The following CYLD variants were observed in gnomAD, a reference collection of about 807,000 sequenced individuals.
CYLD encodes CYLD lysine 63 deubiquitinase, also known as ubiquitin carboxyl-terminal hydrolase CYLD.
CYLD carries 26 observed loss-of-function variants against 104.5 expected under a neutral mutation model. The ratio of observed to expected loss-of-function variants is 0.25; its 90% CI spans 0.18 to 0.35. The LOEUF (loss-of-function observed/expected upper bound fraction) is 0.35. Ranked by LOEUF, CYLD falls within the 10% of genes least tolerant of loss-of-function variation. CYLD has a pLI of 1.00. For missense variants in CYLD, 703 were observed against 1,136.1 expected (o/e 0.62, Z 5.48); for synonymous variants, 385 against 399.9 (o/e 0.96, Z 0.45).
chr16:50,755,564 G>A (rs543745452), intron 5 of CYLD, among the ~76,000 whole-genome samples: 1 of 152,002 alleles, frequency 6.6e-6, no homozygotes, highest in South Asian at 2.1e-4. Flanking sequence ...TTTGATTATG[G>A]CCATTCTTGC....
chr16:50,799,413 T>A lies in CYLD; in HGVS notation c.*2905T>A. On this transcript the variant is annotated 3_prime_UTR_variant, in exon 19 of 19. Transcript: ENST00000427738. ...CCTCACTGTCAGCTTTATAAAGGAG[T>A]TTGACTCCATCCACAGAAGAATGTT... 8.6e-6 allele frequency: 2 copies of A among 233,672 alleles called. No individual in the cohort carries two copies. The highest frequency in any genetic ancestry group is 8.5e-6 in the Non-Finnish European group (1 of 117,986). 14.5% of individuals were successfully genotyped at this position (233,672 alleles called of 1,614,324 possible). A position where few individuals can be genotyped will look rare whatever the true frequency, so the allele number is the denominator to read the frequency against.
chr16:50,775,219 G>A (rs757653503), intron 6 of CYLD, 45 bp downstream of exon 6: 3 of 1,554,930 alleles, frequency 1.9e-6, no homozygotes, highest in African/African-American at 1.4e-5. Flanking sequence ...ATGTATTGTT[G>A]AATTTTTCAA....
chr16:50,782,089 A>G (rs1420061594), intron 10 of CYLD, among the ~76,000 whole-genome samples: 1 of 152,254 alleles, frequency 6.6e-6, no homozygotes, highest in African/African-American at 2.4e-5. Context: ...CTTTTTACAC[A>G]TAATACTCTA....
chr16:50,745,688 G>A (rs1385651351), intron 2 of CYLD, among the ~76,000 whole-genome samples: 1 of 151,936 alleles, frequency 6.6e-6, no homozygotes, highest in Admixed American at 6.6e-5. Context: ...CCAAAGTGCT[G>A]GGATTACAGG....
intron 14 of CYLD, 78 bp from the exon 15 acceptor site, chr16:50,791,480 C>T: frequency 6.6e-7 from 1 of 1,511,434 alleles, no homozygotes; most frequent in Non-Finnish European, 9.2e-7. Context: ...TTCTCAAATA[C>T]TGCTGGGACA....
chr16:50,747,981 T>C (rs549189450), intron 2 of CYLD, among the ~76,000 whole-genome samples: 1 of 152,354 alleles, frequency 6.6e-6, no homozygotes, highest in African/African-American at 2.4e-5. Flanking sequence ...TACTTCATTA[T>C]CTAGCAGTGC....
chr16:50,763,949 T>G (rs1476964338), intron 5 of CYLD, among the ~76,000 whole-genome samples: 1 of 152,198 alleles, frequency 6.6e-6, no homozygotes, highest in African/African-American at 2.4e-5. Context: ...AGTTTTATCA[T>G]GAATTGATGT....
chr16:50,750,174 C>A lies in CYLD; in HGVS notation c.476C>A (p.Ser159Tyr). ...RGPLLAERTVSGIFFGVELLE... is the reference protein window; with the variant it reads ...RGPLLAERTVYGIFFGVELLE... The stretch of plus-strand genomic sequence containing the variant: ...CCCCTGTTAGCAGAGAGGACAGTCT[C>A]CGGAATATTCTTTGGAGTTGAATTG... Residue 159 changes from serine (S) to tyrosine (Y), a missense_variant, in exon 3 of 19, where the codon TCC becomes TAC. This residue lies in a region of CYLD where 123 missense variants were observed against 213.3 expected (regional missense o/e 0.58). Coordinates refer to ENST00000427738, the MANE Select transcript of CYLD (RefSeq NM_001378743.1). 1 of 1,613,916 alleles carries A rather than the reference C, an allele frequency of 6.2e-7. No homozygotes were observed. Among genetic ancestry groups the A allele is most frequent in the Non-Finnish European group, 8.5e-7 (1 of 1,179,960 alleles).
intron 8 of CYLD, 146 bp from the exon 9 acceptor site, chr16:50,779,516 GATA>G: frequency 1.4e-6 from 1 of 697,044 alleles, no homozygotes; most frequent in Non-Finnish European, 2.4e-6. Flanking sequence ...CACTGTTGGA[GATA>G]ATAACTTTGT....
intron 5 of CYLD, among the ~76,000 whole-genome samples, chr16:50,772,315 A>G (rs1268194043): frequency 6.6e-6 from 1 of 152,180 alleles, no homozygotes; most frequent in Non-Finnish European, 1.5e-5. Flanking sequence ...TTAGGTCTTG[A>G]GGTTCCTAGC....
Position 50,780,055 on chromosome 16 carries a change from T to C in CYLD, c.1518+11T>C, listed in dbSNP as rs763958142. The C allele has an allele frequency of 3.7e-6, 6 of 1,613,740 alleles. No homozygotes were observed. In the African/African-American group the frequency reaches 4.0e-5, roughly 11 times the overall value. On this transcript the variant is annotated intron_variant, in intron 9 of 18. Coordinates refer to ENST00000427738, the MANE Select transcript of CYLD (RefSeq NM_001378743.1). ...GCTGGACTGGAACTGGTAATTTAACTTGACCCAAAAATTTCAATTTTTTTC... is the reference window on the plus strand; with the variant it reads ...GCTGGACTGGAACTGGTAATTTAACCTGACCCAAAAATTTCAATTTTTTTC...
intron 5 of CYLD, among the ~76,000 whole-genome samples, chr16:50,759,168 G>C (rs1252631635): frequency 6.6e-6 from 1 of 152,198 alleles, no homozygotes; most frequent in East Asian, 1.9e-4. Flanking sequence ...CTTGAACCTG[G>C]GAGGTGGAGG....
rs569307405 is a variant in CYLD at position 50,788,521 on chromosome 16, T to C, written c.2108+669T>C. Among the ~76,000 whole-genome samples, 13 of 152,310 alleles carry C rather than the reference T, an allele frequency of 8.5e-5. No homozygotes were observed. The South Asian group carries it at 1.9e-3, about 22-fold the overall frequency. ...CTCATCTCTGTGTCTTAAAGTGATATTGTTTGATGCCACTGTTGAACTGAT... is the reference window on the plus strand; with the variant it reads ...CTCATCTCTGTGTCTTAAAGTGATACTGTTTGATGCCACTGTTGAACTGAT... On this transcript the variant is annotated intron_variant, in intron 14 of 18. Coordinates refer to ENST00000427738, the MANE Select transcript of CYLD (RefSeq NM_001378743.1).
chr16:50,787,941 A>G, intron 14 of CYLD, 89 bp downstream of exon 14: 1 of 776,528 alleles, frequency 1.3e-6, no homozygotes, highest in South Asian at 1.6e-5. Context: ...TTCCAGAATG[A>G]TTTCTTAATA....
chr16:50,754,107 C>T (rs1415402417), intron 4 of CYLD, among the ~76,000 whole-genome samples: 1 of 152,164 alleles, frequency 6.6e-6, no homozygotes, highest in African/African-American at 2.4e-5. Flanking sequence ...TCTTGAATCT[C>T]ATTTCCCTAA....
chr16:50,753,627 A>G (rs1191920731), intron 4 of CYLD, among the ~76,000 whole-genome samples: 1 of 152,154 alleles, frequency 6.6e-6, no homozygotes, highest in Admixed American at 6.5e-5. Context: ...TTTTCCTTCT[A>G]TTCATCCTTT....
chr16:50,776,154 T>C, intron 6 of CYLD, 25 bp from the exon 7 acceptor site: 2 of 1,547,858 alleles, frequency 1.3e-6, no homozygotes, highest in Non-Finnish European at 1.8e-6. Flanking sequence ...GCCTTTATCT[T>C]TAAAAAACAT....
In CYLD at chr16:50,789,369, T is replaced by G. The variant is rs534834490; in HGVS notation, c.2108+1517T>G. On this transcript the variant is annotated intron_variant, in intron 14 of 18. Transcript: ENST00000427738. ...TTTCAGATGCTTAAAACAGTTGTTT[T>G]CATCGTTTTTACCCTTTTTCTAGCC... is the stretch of plus-strand genomic sequence containing the variant. 5.6e-4 allele frequency among the ~76,000 whole-genome samples: 85 copies of G among 152,338 alleles called. 1 individual carries two copies. In the South Asian group the frequency reaches 0.017, roughly 30 times the overall value.
chr16:50,796,886 A>G lies in CYLD; in HGVS notation c.*378A>G. ...ATAAATGTGTCTTCTTTATGGACCAAGGATATGAAATCATTTTTCTTTTGT... is the reference window on the plus strand; with the variant it reads ...ATAAATGTGTCTTCTTTATGGACCAGGGATATGAAATCATTTTTCTTTTGT... On this transcript the variant is annotated 3_prime_UTR_variant, in exon 19 of 19. Transcript: ENST00000427738. 1 of 328,814 alleles carries G rather than the reference A, an allele frequency of 3.0e-6. No individual in the cohort carries two copies. The highest frequency in any genetic ancestry group is 5.7e-6 in the Non-Finnish European group (1 of 174,174). The allele number at this position is 328,814 out of a possible 1,614,324, so 20.4% of individuals were successfully genotyped here. A position where few individuals can be genotyped will look rare whatever the true frequency, so the allele number is the denominator to read the frequency against.
Sources: allele counts gnomAD v4.1 joint callset (sites outside exome capture counted in the v4.1 genomes callset), GRCh38; gene constraint gnomAD v4.1.1; regional missense constraint gnomAD v4.1.1; transcripts MANE v1.5; gene names NCBI Gene and HGNC (gene_info 2026-07-23, HGNC 2026-07-21).